The following HPSE2 variants were observed in gnomAD, a reference collection of about 807,000 sequenced individuals.
The protein encoded by HPSE2 is inactive heparanase-2.
HPSE2 carries 38 observed loss-of-function variants against 60.5 expected under a neutral mutation model. The ratio of observed to expected loss-of-function variants is 0.63; its 90% CI spans 0.48 to 0.82. The LOEUF (loss-of-function observed/expected upper bound fraction) is 0.82, where lower values mean the gene tolerates loss of function less well. HPSE2 is among the 40% of genes least tolerant of loss of function. The pLI, the probability that HPSE2 is intolerant of heterozygous loss-of-function variation, is 0.00. For synonymous variants in HPSE2, 295 were observed against 293.2 expected, an observed-to-expected ratio of 1.01 and a Z score of -0.06; for missense variants, 713 against 740.4, an observed-to-expected ratio of 0.96 and a Z score of 0.43.
intron 3 of HPSE2, among the ~76,000 whole-genome samples, chr10:98,872,639 A>G (rs1022492706): frequency 1.3e-5 from 2 of 152,150 alleles, no homozygotes; most frequent in Admixed American, 6.6e-5. Context: ...CCTATCACTC[A>G]GAGCAACCAG....
At chr10:98,480,891 T>C (rs989091795) in intron 11 of HPSE2, among the ~76,000 whole-genome samples, 1 of 152,168 alleles carries the variant, frequency 6.6e-6, no homozygotes, top group African/African-American at 2.4e-5. Flanking sequence ...TTACTATATG[T>C]CAGGAACTTT....
At chr10:98,525,511 C>T (rs1373926778) in intron 9 of HPSE2, among the ~76,000 whole-genome samples, 1 of 152,256 alleles carries the variant, frequency 6.6e-6, no homozygotes, top group African/African-American at 2.4e-5. Flanking sequence ...GGGAGCCCCA[C>T]AGTGGCTTTT....
chr10:98,828,676 C>T (rs980337589), intron 3 of HPSE2, among the ~76,000 whole-genome samples: 3 of 152,144 alleles, frequency 2.0e-5, no homozygotes, highest in African/African-American at 7.2e-5. Context: ...ATTAGAATGA[C>T]TATTACAATA....
At chr10:99,230,783 C>T (rs977944236) in intron 2 of HPSE2, among the ~76,000 whole-genome samples, 1 of 152,028 alleles carries the variant, frequency 6.6e-6, no homozygotes, top group African/African-American at 2.4e-5. Flanking sequence ...ACAAGTTTTC[C>T]CACAAACTAA....
chr10:98,680,109 A>G (rs1165525782), intron 6 of HPSE2, among the ~76,000 whole-genome samples: 1 of 152,230 alleles, frequency 6.6e-6, no homozygotes, highest in Admixed American at 6.5e-5. Flanking sequence ...AGATTAAAAG[A>G]GCTTTGTACA....
chr10:98,593,848 C>T (rs1945157045), intron 9 of HPSE2, among the ~76,000 whole-genome samples: 1 of 152,136 alleles, frequency 6.6e-6, no homozygotes, highest in African/African-American at 2.4e-5. Flanking sequence ...ATACAGCAGG[C>T]TCTCATTTCA....
chr10:98,515,857 C>T (rs1025546231), intron 9 of HPSE2, among the ~76,000 whole-genome samples: 2 of 152,156 alleles, frequency 1.3e-5, no homozygotes, highest in Non-Finnish European at 2.9e-5. Flanking sequence ...GCCTTTTCTA[C>T]AGCACTACAA....
At chr10:99,140,518 C>T (rs2135767867) in intron 3 of HPSE2, among the ~76,000 whole-genome samples, 1 of 152,304 alleles carries the variant, frequency 6.6e-6, no homozygotes, top group Non-Finnish European at 1.5e-5. Context: ...GAATGCTGCA[C>T]ACATATGATA....
intron 9 of HPSE2, among the ~76,000 whole-genome samples, chr10:98,552,422 G>A (rs984103031): frequency 6.6e-6 from 1 of 152,116 alleles, no homozygotes; most frequent in Non-Finnish European, 1.5e-5. Flanking sequence ...AAGTGGCAGA[G>A]AAATGAATGA....
At chr10:98,463,230 C>T (rs1472788710) in intron 11 of HPSE2, among the ~76,000 whole-genome samples, 4 of 152,148 alleles carry the variant, frequency 2.6e-5, no homozygotes, top group African/African-American at 7.2e-5. Flanking sequence ...TGCCAACACT[C>T]CCCTTCCCTT....
chr10:98,499,549 C>G (rs1239220553), intron 9 of HPSE2, among the ~76,000 whole-genome samples: 1 of 152,166 alleles, frequency 6.6e-6, no homozygotes, highest in Admixed American at 6.5e-5. Flanking sequence ...AACAGAACCT[C>G]TTTAAAGCAT....
intron 5 of HPSE2, among the ~76,000 whole-genome samples, chr10:98,710,178 T>C (rs1948642079): frequency 6.6e-6 from 1 of 152,166 alleles, no homozygotes; most frequent in Admixed American, 6.6e-5. Flanking sequence ...CATGGTTAAT[T>C]ATATGTCGAG....
chr10:99,153,021 T>C lies in HPSE2; in HGVS notation c.449-8622A>G, dbSNP rs539572396. On this transcript the variant is annotated intron_variant, in intron 2 of 11. Coordinates refer to ENST00000370552, the MANE Select transcript of HPSE2 (RefSeq NM_021828.5). ...CACCTGGAAAATCGGGTCAATCCCA[T>C]CCAAATATTGCGCATTTCGGACCGG... Among the ~76,000 whole-genome samples the C allele has an allele frequency of 1.7e-4, 26 of 152,270 alleles. No individual in the cohort carries two copies. The South Asian group carries it at 5.2e-3, about 30-fold the overall frequency.
At chr10:98,942,576 A>C (rs1293904576) in intron 3 of HPSE2, among the ~76,000 whole-genome samples, 1 of 152,110 alleles carries the variant, frequency 6.6e-6, no homozygotes, top group Non-Finnish European at 1.5e-5. Context: ...AAAAGTCAGG[A>C]AACAACAGGT....
At chr10:98,997,153 C>G (rs1369637349) in intron 3 of HPSE2, among the ~76,000 whole-genome samples, 1 of 144,270 alleles carries the variant, frequency 6.9e-6, no homozygotes, top group Non-Finnish European at 1.5e-5. Context: ...CACTCTGTCA[C>G]CCAGGCTGCA....
chr10:99,292,757 G>A, the HPSE2 span, among the ~76,000 whole-genome samples: 4 of 150,714 alleles, frequency 2.7e-5, no homozygotes, highest in South Asian at 2.1e-4. Context: ...TCTTTTTTTC[G>A]TACTAAGTCT....
chr10:99,214,647 T>C (rs951123091), intron 2 of HPSE2, among the ~76,000 whole-genome samples: 3 of 151,838 alleles, frequency 2.0e-5, no homozygotes, highest in Non-Finnish European at 2.9e-5. Flanking sequence ...ATCATCAGGG[T>C]GAACAGGCAA....
chr10:98,922,452 G>A (rs1954308997), intron 3 of HPSE2, among the ~76,000 whole-genome samples: 1 of 152,150 alleles, frequency 6.6e-6, no homozygotes, highest in African/African-American at 2.4e-5. Context: ...AAGATACGAG[G>A]GAGAACTCAA....
intron 6 of HPSE2, among the ~76,000 whole-genome samples, chr10:98,688,041 G>A (rs983689608): frequency 1.3e-5 from 2 of 151,534 alleles, no homozygotes; most frequent in Non-Finnish European, 2.9e-5. Context: ...GCTTTTTTGA[G>A]GTTAATTCAG....
Sources: gnomAD v4.1 joint callset for allele counts (sites outside exome capture counted in the v4.1 genomes callset) on GRCh38, gnomAD v4.1.1 for gene constraint, MANE v1.5 for transcripts, NCBI Gene and HGNC (gene_info 2026-07-23, HGNC 2026-07-21) for gene names.